Variants in TMEM120B observed in about 807,000 individuals in gnomAD.
TMEM120B encodes transmembrane protein 120B.
A neutral mutation model predicts 55.5 loss-of-function variants in TMEM120B; 31 were observed. That is an observed-to-expected ratio of 0.56 (90% CI 0.42 to 0.75). TMEM120B has a LOEUF of 0.75. Ranked by LOEUF, TMEM120B falls within the 30% of genes least tolerant of loss-of-function variation. The pLI, the probability that TMEM120B is intolerant of heterozygous loss-of-function variation, is 0.00. For missense variants in TMEM120B, 399 were observed against 425.5 expected (o/e 0.94, Z 0.55); for synonymous variants, 203 against 176.3 (o/e 1.15, Z -1.20).
intron 1 of TMEM120B, among the ~76,000 whole-genome samples, chr12:121,716,016 C>T (rs753004783): frequency 1.4e-4 from 21 of 149,570 alleles, no homozygotes; most frequent in Non-Finnish European, 3.0e-4. Context: ...GTTGGGAGCT[C>T]GGTGCATTGG....
Position 121,772,026 on chromosome 12 carries a change from CCTTT to C in TMEM120B, c.679+488_679+491del, listed in dbSNP as rs1050512842. The stretch of plus-strand genomic sequence containing the variant: ...CCCATGTGTGTATTGCCTTTCTTTC[CCTTT>C]CTTTCTTTCTCTTTCTTTCTTTCTT... On this transcript the variant is annotated intron_variant, in intron 8 of 11. Transcript: ENST00000449592. Among the ~76,000 whole-genome samples the C allele has an allele frequency of 5.1e-3, 770 of 150,704 alleles. 11 individuals carry two copies. Among genetic ancestry groups the C allele is most frequent in the African/African-American group, 0.018 (723 of 40,850 alleles).
intron 1 of TMEM120B, among the ~76,000 whole-genome samples, chr12:121,720,203 C>G (rs1392342590): frequency 6.6e-6 from 1 of 152,142 alleles, no homozygotes; most frequent in Non-Finnish European, 1.5e-5. Flanking sequence ...TTCATGCCAC[C>G]CAAATGCGTG....
At chr12:121,726,614 C>A (rs1894899430) in intron 1 of TMEM120B, among the ~76,000 whole-genome samples, 1 of 149,866 alleles carries the variant, frequency 6.7e-6, no homozygotes, top group Non-Finnish European at 1.5e-5. Flanking sequence ...AATAATAATG[C>A]TTCAGGCCAG....
At chr12:121,733,435 GGGGTTTCACCATGTTAGCTAGGAT>G (rs1408922810) in intron 1 of TMEM120B, among the ~76,000 whole-genome samples, 1 of 151,856 alleles carries the variant, frequency 6.6e-6, no homozygotes, top group African/African-American at 2.4e-5. Flanking sequence ...TAGTAAAGAA[GGGGTTTCACCATGTTAGCTAGGAT>G]GGGTTTGATC....
chr12:121,715,471 AGATGCTGAG>A (rs1417955912), intron 1 of TMEM120B, among the ~76,000 whole-genome samples: 2 of 152,248 alleles, frequency 1.3e-5, no homozygotes, highest in Admixed American at 1.3e-4. Context: ...CTTGGTCCTC[AGATGCTGAG>A]GTATGTTAGG....
chr12:121,739,234 T>C (rs1872849015), intron 1 of TMEM120B, among the ~76,000 whole-genome samples: 1 of 151,834 alleles, frequency 6.6e-6, no homozygotes, highest in Non-Finnish European at 1.5e-5. Context: ...AAGACAGAGA[T>C]TGGGAGATTG....
Position 121,775,393 on chromosome 12 carries a change from G to C in TMEM120B, c.907-216G>C, listed in dbSNP as rs1466508922. On this transcript the variant is annotated intron_variant, in intron 11 of 11. Coordinates refer to ENST00000449592, the MANE Select transcript of TMEM120B (RefSeq NM_001080825.2). This position sits in a 1 kb window ranked among gnomAD's most constrained non-coding sequence, Gnocchi z 4.3. ...GGGGTGGAGCCTCTCCCAATCTGTG[G>C]ATCCCAAGGAGGTTCGCCCCATCGA... 1.0e-6 allele frequency: 1 copy of C among 978,216 alleles called. No homozygotes were observed. The highest frequency in any genetic ancestry group is 1.2e-6 in the Non-Finnish European group (1 of 823,646). 60.6% of individuals were successfully genotyped at this position (978,216 alleles called of 1,614,324 possible).
chr12:121,726,907 CAAAAAAAAAAAAA>C (rs71305665), intron 1 of TMEM120B, among the ~76,000 whole-genome samples: 63 of 73,704 alleles, frequency 8.5e-4, no homozygotes, highest in Non-Finnish European at 1.1e-3. Context: ...GACTCTGTCT[CAAAAAAAAAAAAA>C]AAAAAAAAAA....
intron 1 of TMEM120B, among the ~76,000 whole-genome samples, chr12:121,742,768 G>T (rs562673561): frequency 6.6e-6 from 1 of 152,148 alleles, no homozygotes; most frequent in South Asian, 2.1e-4. Flanking sequence ...AGTAGAGACG[G>T]GGTTTTGCCA....
In TMEM120B at chr12:121,781,486, A is replaced by C; in HGVS notation, c.*5764A>C. 1 of 346,880 alleles carries C rather than the reference A, an allele frequency of 2.9e-6. No homozygotes were observed. 21.5% of individuals were successfully genotyped at this position (346,880 alleles called of 1,614,324 possible). On this transcript the variant is annotated 3_prime_UTR_variant, in exon 12 of 12. Coordinates refer to ENST00000449592, the MANE Select transcript of TMEM120B (RefSeq NM_001080825.2). The stretch of plus-strand genomic sequence containing the variant: ...ACCCTGTCTCTTAACAACAAAACCC[A>C]TGAGCGGCAGCCCCCCAGTCCTGGA...
At chr12:121,725,588 C>A (rs1894875978) in intron 1 of TMEM120B, among the ~76,000 whole-genome samples, 1 of 152,074 alleles carries the variant, frequency 6.6e-6, no homozygotes, top group Admixed American at 6.6e-5. Flanking sequence ...ACAACCCAAA[C>A]AACTGGTGTA....
chr12:121,774,653 C>T lies in TMEM120B; in HGVS notation c.773-5C>T, dbSNP rs1252418971. On this transcript the variant is annotated splice_region_variant and splice_polypyrimidine_tract_variant and intron_variant, in intron 9 of 11. Transcript: ENST00000449592. ...CGGGTCCTTTTTCTTCCCTCCTCTC[C>T]ACAGAAGGGTTCCAGTCCTGGATGT... The T allele has an allele frequency of 1.9e-6, 3 of 1,613,906 alleles. No homozygotes were observed. The highest frequency in any genetic ancestry group is 2.2e-5 in the East Asian group (1 of 44,878).
intron 1 of TMEM120B, among the ~76,000 whole-genome samples, chr12:121,732,141 G>A (rs549130750): frequency 1.2e-4 from 19 of 152,052 alleles, no homozygotes; most frequent in Non-Finnish European, 2.5e-4. Context: ...CATCTCAAAA[G>A]GAAAGAAAGA....
chr12:121,770,117 G>A (rs986509644), intron 6 of TMEM120B, among the ~76,000 whole-genome samples: 16 of 152,096 alleles, frequency 1.1e-4, no homozygotes, highest in African/African-American at 2.7e-4. Context: ...AGGAAGTACC[G>A]CCCGCCGAGT....
chr12:121,748,428 G>A lies in TMEM120B; in HGVS notation c.291G>A (p.Leu97=). ...TCTTCTTCGACATGGAGGCCTACCT[G>A]CCCAAGAAGAACGGGTAGGAGCTGG... ...QDVFFDMEAY[L]PKKNGLYLNL... The change falls in exon 3 of 12, where the codon CTG becomes CTA. Residue 97 remains leucine, a synonymous_variant. Coordinates refer to ENST00000449592, the MANE Select transcript of TMEM120B (RefSeq NM_001080825.2). 1 of 1,608,660 alleles carries A rather than the reference G, an allele frequency of 6.2e-7. No individual in the cohort carries two copies. Among genetic ancestry groups the A allele is most frequent in the Non-Finnish European group, 8.5e-7 (1 of 1,177,278 alleles).
chr12:121,767,664 G>T (rs1235322256), intron 6 of TMEM120B, among the ~76,000 whole-genome samples: 32 of 152,210 alleles, frequency 2.1e-4, no homozygotes, highest in Admixed American at 2.0e-3. Flanking sequence ...CAGTAAAATG[G>T]CTACATAAAC....
intron 5 of TMEM120B, among the ~76,000 whole-genome samples, chr12:121,757,143 G>C (rs535303499): frequency 1.5e-4 from 22 of 145,394 alleles, no homozygotes; most frequent in South Asian, 4.2e-4. Context: ...TGGGCGGTGG[G>C]GGGGGGGGGT....
chr12:121,771,649 G>C, intron 8 of TMEM120B, 100 bp downstream of exon 8: 1 of 1,257,948 alleles, frequency 7.9e-7, no homozygotes, highest in African/African-American at 1.5e-5. Context: ...TTGCCTGTGT[G>C]GCAGGGAGAC....
intron 4 of TMEM120B, among the ~76,000 whole-genome samples, chr12:121,750,977 A>ACCCCCAC (rs1555331709): frequency 1.5e-4 from 1 of 6,572 alleles, no homozygotes; most frequent in Non-Finnish European, 2.5e-4. Context: ...CACACCCCAC[A>ACCCCCAC]CCCACACCCC....
Sources: gnomAD v4.1 joint callset for allele counts (sites outside exome capture counted in the v4.1 genomes callset) on GRCh38, gnomAD v4.1.1 for gene constraint, Gnocchi (gnomAD v3.1) non-coding constraint, MANE v1.5 for transcripts, NCBI Gene and HGNC (gene_info 2026-07-23, HGNC 2026-07-21) for gene names.